Variants in RALGPS2 observed in about 807,000 individuals in gnomAD.
The protein encoded by RALGPS2 is Ral GEF with PH domain and SH3 binding motif 2.
Under a neutral mutation model 86.8 loss-of-function variants are expected in RALGPS2, and 43 were observed. The observed-to-expected ratio is 0.50, with a 90% CI of 0.39 to 0.64. RALGPS2 has a LOEUF of 0.64. Ranked by LOEUF, RALGPS2 falls within the 30% of genes least tolerant of loss-of-function variation. The pLI is 0.00. For synonymous variants in RALGPS2, 243 were observed against 231.3 expected, an observed-to-expected ratio of 1.05 and a Z score of -0.46; for missense variants, 536 against 694.6, an observed-to-expected ratio of 0.77 and a Z score of 2.57.
rs549848797 is a variant in RALGPS2 at position 178,870,690 on chromosome 1, G to A, written c.608-6808G>A. On this transcript the variant is annotated intron_variant, in intron 8 of 19. Transcript: ENST00000367635. Reference sequence around the variant, plus strand: ...AAATTTCTACTACAAATATAAAATAGTTATGCATTTGCTATACATAATATT... The same window carrying A: ...AAATTTCTACTACAAATATAAAATAATTATGCATTTGCTATACATAATATT... 2.6e-5 allele frequency: 4 copies of A among 152,166 alleles called. No homozygotes were observed. The South Asian group carries it at 8.3e-4, about 32-fold the overall frequency. The allele number at this position is 152,166 out of a possible 1,614,324, so 9.4% of individuals were successfully genotyped here.
intron 4 of RALGPS2, among the ~76,000 whole-genome samples, chr1:178,786,920 G>A (rs1279608807): frequency 2.0e-5 from 3 of 151,704 alleles, no homozygotes; most frequent in South Asian, 2.1e-4. Flanking sequence ...TCTCAAATTC[G>A]ATACCTATAA....
At chr1:178,859,548 C>T (rs1395260407) in intron 8 of RALGPS2, among the ~76,000 whole-genome samples, 1 of 149,972 alleles carries the variant, frequency 6.7e-6, no homozygotes, top group African/African-American at 2.4e-5. Context: ...GGATTACAGG[C>T]GCCCGCCACT....
intron 1 of RALGPS2, among the ~76,000 whole-genome samples, chr1:178,754,342 T>C (rs1017307594): frequency 3.9e-5 from 6 of 152,114 alleles, no homozygotes; most frequent in African/African-American, 9.7e-5. Context: ...TCCCAAGATA[T>C]GCCATTGGTA....
intron 7 of RALGPS2, among the ~76,000 whole-genome samples, chr1:178,827,374 G>C (rs1220436233): frequency 2.6e-5 from 4 of 150,986 alleles, no homozygotes; most frequent in Admixed American, 1.3e-4. Context: ...AACAAAGCTA[G>C]AGACATCATA....
intron 1 of RALGPS2, among the ~76,000 whole-genome samples, chr1:178,770,148 C>G (rs1652721081): frequency 6.6e-6 from 1 of 151,822 alleles, no homozygotes; most frequent in Admixed American, 6.6e-5. Flanking sequence ...TCCTAAGTAG[C>G]TGGGACTACA....
chr1:178,731,272 G>GTTTTTTTTTTTT lies in RALGPS2; in HGVS notation c.-84+5871_-84+5882dup, dbSNP rs57628726. Reference sequence around the variant, plus strand: ...TGATTATACTTTTCTAGTTGTTTTGGTTTTTTTTTTTTTTTTTTTTTTTTT... The same window carrying GTTTTTTTTTTTT: ...TGATTATACTTTTCTAGTTGTTTTGGTTTTTTTTTTTTTTTTTTTTTTTTTTTTTTTTTTTTT... On this transcript the variant is annotated intron_variant, in intron 1 of 19. Coordinates refer to ENST00000367635, the MANE Select transcript of RALGPS2 (RefSeq NM_152663.5). Among the ~76,000 whole-genome samples, 61 of 57,970 alleles carry GTTTTTTTTTTTT rather than the reference G, an allele frequency of 1.1e-3. 4 individuals are homozygous for GTTTTTTTTTTTT. Among genetic ancestry groups the GTTTTTTTTTTTT allele is most frequent in the East Asian group, 2.0e-3 (3 of 1,482 alleles). The allele number at this position is 57,970 out of a possible 152,430, so 38.0% of individuals were successfully genotyped here. A position where few individuals can be genotyped will look rare whatever the true frequency, so the allele number is the denominator to read the frequency against.
chr1:178,729,525 G>A (rs1650218127), intron 1 of RALGPS2, among the ~76,000 whole-genome samples: 1 of 152,130 alleles, frequency 6.6e-6, no homozygotes, highest in African/African-American at 2.4e-5. Flanking sequence ...ATACAGCTGT[G>A]CAGTTAAAAA....
chr1:178,852,912 C>T lies in RALGPS2; in HGVS notation c.607+19362C>T, dbSNP rs753324412. 3.0e-5 allele frequency: 48 copies of T among 1,613,322 alleles called. No homozygotes were observed. In the South Asian group the frequency reaches 5.1e-4, roughly 17 times the overall value. Reference sequence around the variant, plus strand: ...GATTGCTAAGCATATAGATATTTTCCAGTCCAAGCCAGTATTCTCCGTCAA... The same window carrying T: ...GATTGCTAAGCATATAGATATTTTCTAGTCCAAGCCAGTATTCTCCGTCAA... On this transcript the variant is annotated intron_variant, in intron 8 of 19. Transcript: ENST00000367635.
At chr1:178,792,681 C>T (rs1654011136) in intron 4 of RALGPS2, among the ~76,000 whole-genome samples, 2 of 152,096 alleles carry the variant, frequency 1.3e-5, no homozygotes, top group Non-Finnish European at 2.9e-5. Context: ...TGTCCATTGG[C>T]CCAAGCTGCG....
chr1:178,813,344 C>G (rs527512092), intron 6 of RALGPS2, among the ~76,000 whole-genome samples: 24 of 152,278 alleles, frequency 1.6e-4, no homozygotes, highest in Admixed American at 5.2e-4. Flanking sequence ...CTCAAAACCA[C>G]CAAATTTTGC....
chr1:178,740,630 G>A (rs528297664), intron 1 of RALGPS2, among the ~76,000 whole-genome samples: 2 of 152,334 alleles, frequency 1.3e-5, no homozygotes, highest in East Asian at 3.9e-4. Flanking sequence ...TAGGGCATGT[G>A]TGCTGAGAGA....
At chr1:178,902,671 A>C (rs543401627) in intron 18 of RALGPS2, among the ~76,000 whole-genome samples, 1 of 152,280 alleles carries the variant, frequency 6.6e-6, no homozygotes, top group South Asian at 2.1e-4. Context: ...TTAAATATTT[A>C]TTCTATCACT....
chr1:178,769,368 CAG>C (rs1468360517), intron 1 of RALGPS2, among the ~76,000 whole-genome samples: 1 of 151,880 alleles, frequency 6.6e-6, no homozygotes, highest in Non-Finnish European at 1.5e-5. Context: ...CCTAAGCGTG[CAG>C]TAGAGAGGGC....
At chr1:178,821,879 G>T (rs1655524027) in intron 7 of RALGPS2, among the ~76,000 whole-genome samples, 175 bp downstream of exon 7, 1 of 152,082 alleles carries the variant, frequency 6.6e-6, no homozygotes, top group Non-Finnish European at 1.5e-5. Context: ...GCAGTGCACT[G>T]GGTATAAGGT....
chr1:178,872,582 T>A (rs142382829), intron 8 of RALGPS2, among the ~76,000 whole-genome samples: 2,185 of 152,334 alleles, frequency 0.014, 22 homozygotes, highest in Non-Finnish European at 0.021. Flanking sequence ...TTCCTGATTT[T>A]AAAAAACATT....
intron 1 of RALGPS2, among the ~76,000 whole-genome samples, chr1:178,736,433 G>A (rs1650707774): frequency 6.6e-6 from 1 of 151,890 alleles, no homozygotes; most frequent in Admixed American, 6.6e-5. Context: ...AAAGTGCTGG[G>A]ATTAAAGATG....
chr1:178,830,617 C>T (rs974789964), intron 7 of RALGPS2, among the ~76,000 whole-genome samples: 13 of 152,104 alleles, frequency 8.5e-5, no homozygotes, highest in African/African-American at 3.1e-4. Flanking sequence ...TGAAAAACTT[C>T]AGTTTTTTAG....
chr1:178,783,075 C>T (rs924614215), intron 2 of RALGPS2, among the ~76,000 whole-genome samples: 2 of 152,032 alleles, frequency 1.3e-5, no homozygotes, highest in Non-Finnish European at 1.5e-5. Flanking sequence ...AATTAACTGT[C>T]ATTAATATGC....
At chr1:178,908,403 G>T (rs1660475993) in intron 19 of RALGPS2, among the ~76,000 whole-genome samples, 1 of 152,160 alleles carries the variant, frequency 6.6e-6, no homozygotes, top group Admixed American at 6.5e-5. Context: ...ACATACATGT[G>T]TCTTTTTGGT....
Sources: allele counts gnomAD v4.1 joint callset (sites outside exome capture counted in the v4.1 genomes callset), GRCh38; gene constraint gnomAD v4.1.1; transcripts MANE v1.5; gene names NCBI Gene and HGNC (gene_info 2026-07-23, HGNC 2026-07-21).